Variants in GPC5 observed in about 807,000 individuals in gnomAD.
GPC5 encodes the protein glypican-5.
In GPC5, 47 loss-of-function variants were observed where a neutral mutation model predicts 53.9. The observed-to-expected ratio is 0.87, with a 90% CI of 0.69 to 1.11. The LOEUF (loss-of-function observed/expected upper bound fraction) is 1.11. Among genes scored for constraint, GPC5 ranks in the 50% most tolerant of loss-of-function variants. The probability of loss-of-function intolerance (pLI) is 0.00; values close to 1 mark genes in which losing one functional copy is unlikely to be tolerated. For synonymous variants in GPC5, 286 were observed against 263.3 expected (o/e 1.09, Z -0.84); for missense variants, 748 against 713.1 (o/e 1.05, Z -0.56).
Position 91,571,927 on chromosome 13 carries a change from A to G in GPC5, c.326-121260A>G, listed in dbSNP as rs554240389. On this transcript the variant is annotated intron_variant, in intron 2 of 7. Coordinates refer to ENST00000377067, the MANE Select transcript of GPC5 (RefSeq NM_004466.6). ...TATTGTATATATACACATATTGTAT[A>G]TATACACACATGTATATACATATAC... 2.8e-3 allele frequency among the ~76,000 whole-genome samples: 363 copies of G among 127,640 alleles called. 19 individuals carry two copies. The highest frequency in any genetic ancestry group is 5.4e-3 in the Admixed American group (71 of 13,262). The allele number at this position is 127,640 out of a possible 152,430, so 83.7% of individuals were successfully genotyped here. A position where few individuals can be genotyped will look rare whatever the true frequency, so the allele number is the denominator to read the frequency against.
chr13:92,742,768 A>C (rs1889139166), intron 7 of GPC5, among the ~76,000 whole-genome samples: 1 of 152,094 alleles, frequency 6.6e-6, no homozygotes, highest in African/African-American at 2.4e-5. Context: ...ATAAGGTGTA[A>C]GGAAGGGATC....
intron 5 of GPC5, among the ~76,000 whole-genome samples, chr13:91,799,767 T>C (rs1180119791): frequency 6.6e-6 from 1 of 152,204 alleles, no homozygotes; most frequent in African/African-American, 2.4e-5. Flanking sequence ...TTGCTTGCAA[T>C]AGATTCTAGC....
intron 5 of GPC5, among the ~76,000 whole-genome samples, chr13:91,794,729 G>C (rs1243181399): frequency 6.6e-6 from 1 of 152,184 alleles, no homozygotes; most frequent in Non-Finnish European, 1.5e-5. Context: ...TATAAACCCT[G>C]GTTCAAGGAC....
At chr13:92,525,753 C>T (rs901997754) in intron 7 of GPC5, among the ~76,000 whole-genome samples, 1 of 151,986 alleles carries the variant, frequency 6.6e-6, no homozygotes, top group Non-Finnish European at 1.5e-5. Flanking sequence ...AGGGAGCTCA[C>T]TTCTGGCACT....
At chr13:91,937,871 A>T (rs566252219) in intron 6 of GPC5, among the ~76,000 whole-genome samples, 2 of 152,184 alleles carry the variant, frequency 1.3e-5, no homozygotes, top group East Asian at 3.9e-4. Context: ...ATTTTCCTGT[A>T]TGAGAAGTGA....
At chr13:92,128,778 C>T (rs1452165619) in intron 6 of GPC5, among the ~76,000 whole-genome samples, 1 of 152,148 alleles carries the variant, frequency 6.6e-6, no homozygotes. Flanking sequence ...TCCTGGCCAA[C>T]ATGGTGAAAC....
At chr13:92,805,653 C>G (rs901957585) in intron 7 of GPC5, among the ~76,000 whole-genome samples, 1 of 151,742 alleles carries the variant, frequency 6.6e-6, no homozygotes. Flanking sequence ...TCCTATGTTG[C>G]TCTCAAACTC....
rs1883098897 is a variant in GPC5 at position 92,573,544 on chromosome 13, CTG to C, written c.1562-292735_1562-292734del. Among the ~76,000 whole-genome samples the C allele has an allele frequency of 3.3e-5, 5 of 152,160 alleles. No homozygotes were observed. In the South Asian group the frequency reaches 1.0e-3, roughly 32 times the overall value. On this transcript the variant is annotated intron_variant, in intron 7 of 7. Transcript: ENST00000377067. Reference sequence around the variant, plus strand: ...TTTAATTCATTCTTCAATATTTACTCTGTGCTAATGAATGGGATGGATTCCTT... The same window carrying C: ...TTTAATTCATTCTTCAATATTTACTCTGCTAATGAATGGGATGGATTCCTT...
chr13:92,425,546 G>A (rs905196981), intron 7 of GPC5, among the ~76,000 whole-genome samples: 1 of 152,060 alleles, frequency 6.6e-6, no homozygotes. Context: ...AACAACTAAG[G>A]AGTGGCTGTC....
intron 3 of GPC5, among the ~76,000 whole-genome samples, chr13:91,720,534 T>C (rs2036440913): frequency 6.6e-6 from 1 of 152,126 alleles, no homozygotes; most frequent in Admixed American, 6.5e-5. Context: ...AATGTTGGAA[T>C]GCCCAAGAAT....
chr13:92,019,900 A>G (rs560810415), intron 6 of GPC5, among the ~76,000 whole-genome samples: 2 of 152,246 alleles, frequency 1.3e-5, no homozygotes, highest in East Asian at 1.9e-4. Context: ...TGCCACTAAC[A>G]TGGTGGCTTA....
At chr13:91,872,051 A>G (rs2039151229) in intron 5 of GPC5, among the ~76,000 whole-genome samples, 1 of 152,058 alleles carries the variant, frequency 6.6e-6, no homozygotes, top group Non-Finnish European at 1.5e-5. Context: ...AAGCAGAGAG[A>G]CTGCCAAGGT....
chr13:92,850,066 A>G (rs1265649923), intron 7 of GPC5, among the ~76,000 whole-genome samples: 1 of 152,216 alleles, frequency 6.6e-6, no homozygotes, highest in Non-Finnish European at 1.5e-5. Context: ...TTGATCAGAC[A>G]CACCTAATTG....
chr13:92,435,571 C>T (rs1392685532), intron 7 of GPC5, among the ~76,000 whole-genome samples: 1 of 152,114 alleles, frequency 6.6e-6, no homozygotes, highest in Admixed American at 6.5e-5. Flanking sequence ...TGAGCAAAGG[C>T]TTTACAAAGA....
chr13:92,124,098 A>G (rs2041673381), intron 6 of GPC5, among the ~76,000 whole-genome samples: 2 of 151,786 alleles, frequency 1.3e-5, no homozygotes, highest in South Asian at 2.1e-4. Flanking sequence ...AATATAAATA[A>G]CCATCCTTAC....
At chr13:92,066,513 C>G (rs2041168950) in intron 6 of GPC5, among the ~76,000 whole-genome samples, 1 of 151,452 alleles carries the variant, frequency 6.6e-6, no homozygotes, top group African/African-American at 2.4e-5. Flanking sequence ...TGGCAATTAA[C>G]TTTCACGTGA....
At chr13:92,221,732 A>G (rs2042450139) in intron 7 of GPC5, among the ~76,000 whole-genome samples, 1 of 151,522 alleles carries the variant, frequency 6.6e-6, no homozygotes, top group Non-Finnish European at 1.5e-5. Context: ...TTTTTTTTCC[A>G]TTAAGTGCAA....
intron 5 of GPC5, among the ~76,000 whole-genome samples, chr13:91,869,932 C>T (rs1272181060): frequency 1.3e-5 from 2 of 152,142 alleles, no homozygotes; most frequent in Non-Finnish European, 2.9e-5. Flanking sequence ...AATCTACCCC[C>T]ATGATACAAT....
chr13:92,167,494 TAGAAC>T (rs2042040209), intron 7 of GPC5, among the ~76,000 whole-genome samples: 1 of 152,072 alleles, frequency 6.6e-6, no homozygotes, highest in African/African-American at 2.4e-5. Flanking sequence ...ATCTAGAAAA[TAGAAC>T]AGAAGTAACA....
Sources: gnomAD v4.1 joint callset for allele counts (sites outside exome capture counted in the v4.1 genomes callset) on GRCh38, gnomAD v4.1.1 for gene constraint, MANE v1.5 for transcripts, NCBI Gene and HGNC (gene_info 2026-07-23, HGNC 2026-07-21) for gene names.